Variants in MYO6 observed in about 807,000 individuals in gnomAD.
MYO6 encodes the protein myosin VI.
Under a neutral mutation model 178.7 loss-of-function variants are expected in MYO6, and 74 were observed. The ratio of observed to expected loss-of-function variants is 0.41; its 90% CI spans 0.34 to 0.50. MYO6 has a LOEUF of 0.50. Among genes scored for constraint, MYO6 ranks in the 20% least tolerant of loss-of-function variants. MYO6 has a pLI of 0.09. For synonymous variants in MYO6, 477 were observed against 504.6 expected, an observed-to-expected ratio of 0.95 and a Z score of 0.73; for missense variants, 1,330 against 1,547.4, an observed-to-expected ratio of 0.86 and a Z score of 2.36.
rs372126361 is a variant in MYO6, at chr6:75,904,948, C to G, written c.3177-2657C>G. On this transcript the variant is annotated intron_variant, in intron 30 of 34. Transcript: ENST00000369977. ...TGTTTGTTAGTTTTCCTTCTACAGACAGGACCCTCAGCTGCAGGTCTGTTG... is the reference window on the plus strand; with the variant it reads ...TGTTTGTTAGTTTTCCTTCTACAGAGAGGACCCTCAGCTGCAGGTCTGTTG... Among the ~76,000 whole-genome samples, 24 of 152,286 alleles carry G rather than the reference C, an allele frequency of 1.6e-4. 1 individual carries two copies. In the South Asian group the frequency reaches 4.1e-3, roughly 26 times the overall value.
chr6:75,910,134 C>T (rs1345611733), intron 32 of MYO6, among the ~76,000 whole-genome samples: 1 of 152,142 alleles, frequency 6.6e-6, no homozygotes, highest in Non-Finnish European at 1.5e-5. Flanking sequence ...TTTTCCTCTT[C>T]TAATTGAACA....
chr6:75,914,958 C>T lies in MYO6; in HGVS notation c.3804C>T (p.Ser1268=). Reference sequence around the variant, plus strand: ...AGTACCTTCAGAATGCGATTGAGAGCAGACAGGCTCGGCCCACCTATGCAA... The same window carrying T: ...AGTACCTTCAGAATGCGATTGAGAGTAGACAGGCTCGGCCCACCTATGCAA... ...GIQYLQNAIE[S]RQARPTYATA... The change falls in exon 35 of 35, where the codon AGC becomes AGT. Residue 1268 remains serine, a synonymous_variant. Transcript: ENST00000369977. The T allele has an allele frequency of 6.2e-7, 1 of 1,613,990 alleles. No homozygotes were observed. Among genetic ancestry groups the T allele is most frequent in the South Asian group, 1.1e-5 (1 of 91,064 alleles).
At chr6:75,806,392 A>G (rs1407126815) in intron 1 of MYO6, among the ~76,000 whole-genome samples, 1 of 152,076 alleles carries the variant, frequency 6.6e-6, no homozygotes, top group African/African-American at 2.4e-5. Flanking sequence ...TGTCTCAAAA[A>G]AAAAAAAAAA....
intron 6 of MYO6, among the ~76,000 whole-genome samples, chr6:75,833,271 G>A (rs759779702): frequency 1.3e-5 from 2 of 152,216 alleles, no homozygotes; most frequent in Non-Finnish European, 2.9e-5. Context: ...GGGATTATAG[G>A]CATGAACCAC....
At chr6:75,894,828 C>A in intron 28 of MYO6, 1 of 1,517,930 alleles carries the variant, frequency 6.6e-7, no homozygotes, top group South Asian at 1.3e-5. Context: ...GATTCCTATC[C>A]GGTAACTTCT....
At chr6:75,797,240 C>T (rs545624603) in intron 1 of MYO6, among the ~76,000 whole-genome samples, 2 of 152,148 alleles carry the variant, frequency 1.3e-5, no homozygotes, top group Non-Finnish European at 2.9e-5. Flanking sequence ...CAGGCATGCA[C>T]CACCATGCTT....
At chr6:75,802,853 A>G (rs1769626594) in intron 1 of MYO6, among the ~76,000 whole-genome samples, 1 of 152,182 alleles carries the variant, frequency 6.6e-6, no homozygotes, top group African/African-American at 2.4e-5. Context: ...ATTGGATAAT[A>G]AACAAGATTA....
intron 1 of MYO6, among the ~76,000 whole-genome samples, chr6:75,774,354 T>A (rs1250770813): frequency 1.3e-5 from 2 of 152,196 alleles, no homozygotes; most frequent in Non-Finnish European, 2.9e-5. Context: ...CCTGTATAAA[T>A]TTAAATAATT....
chr6:75,776,584 A>G (rs764102354), intron 1 of MYO6, among the ~76,000 whole-genome samples: 4 of 151,858 alleles, frequency 2.6e-5, no homozygotes, highest in Non-Finnish European at 4.4e-5. Flanking sequence ...ACTAAGCACT[A>G]CTATCATTTT....
At chr6:75,865,753 G>A (rs1367144437) in intron 16 of MYO6, among the ~76,000 whole-genome samples, 2 of 152,098 alleles carry the variant, frequency 1.3e-5, no homozygotes, top group Non-Finnish European at 2.9e-5. Context: ...TGATATACAT[G>A]TGAGATATTA....
intron 4 of MYO6, 59 bp from the exon 5 acceptor site, chr6:75,830,357 T>C: frequency 4.0e-6 from 6 of 1,511,914 alleles, no homozygotes; most frequent in Non-Finnish European, 5.5e-6. Context: ...ATGAGCTTTG[T>C]TTATCTTTAA....
intron 6 of MYO6, among the ~76,000 whole-genome samples, chr6:75,834,118 G>C (rs952279181): frequency 3.9e-5 from 6 of 152,048 alleles, no homozygotes; most frequent in African/African-American, 1.2e-4. Flanking sequence ...ACGATAATTT[G>C]CCTCCTTATT....
intron 32 of MYO6, 57 bp downstream of exon 32, chr6:75,908,684 A>G: frequency 1.3e-6 from 2 of 1,563,758 alleles, no homozygotes; most frequent in Non-Finnish European, 1.8e-6. Flanking sequence ...AAATGCATGT[A>G]TCTGTACTTA....
intron 25 of MYO6, among the ~76,000 whole-genome samples, chr6:75,888,987 CATTA>C (rs1314162492): frequency 6.6e-6 from 1 of 151,970 alleles, no homozygotes; most frequent in Non-Finnish European, 1.5e-5. Context: ...TTTCATATTT[CATTA>C]ATTACATTTC....
At chr6:75,898,048 T>C (rs1779441825) in intron 29 of MYO6, among the ~76,000 whole-genome samples, 1 of 152,202 alleles carries the variant, frequency 6.6e-6, no homozygotes, top group Non-Finnish European at 1.5e-5. Flanking sequence ...TTGCCAAGTT[T>C]CCTGTATGGA....
Position 75,855,836 on chromosome 6 carries a change from A to G in MYO6, c.1223+553A>G, listed in dbSNP as rs59471247. Among the ~76,000 whole-genome samples the G allele has an allele frequency of 8.5e-4, 130 of 152,264 alleles. 1 individual carries two copies. Among genetic ancestry groups the G allele is most frequent in the African/African-American group, 3.0e-3 (125 of 41,560 alleles). Reference sequence around the variant, plus strand: ...TATATTTTTGGTTTTGGTACTGTAGAATAAAATTGACATTCAGCCTTGTCA... The same window carrying G: ...TATATTTTTGGTTTTGGTACTGTAGGATAAAATTGACATTCAGCCTTGTCA... On this transcript the variant is annotated intron_variant, in intron 12 of 34. Coordinates refer to ENST00000369977, the MANE Select transcript of MYO6 (RefSeq NM_004999.4).
chr6:75,767,171 G>A (rs1017485091), intron 1 of MYO6, among the ~76,000 whole-genome samples: 2 of 152,068 alleles, frequency 1.3e-5, no homozygotes, highest in South Asian at 2.1e-4. Context: ...GATTACAGGC[G>A]TGCACCACCA....
chr6:75,851,644 CAAAA>C (rs1299099609), intron 11 of MYO6, among the ~76,000 whole-genome samples: 2 of 149,772 alleles, frequency 1.3e-5, no homozygotes, highest in African/African-American at 4.9e-5. Flanking sequence ...AAAAAAAAAA[CAAAA>C]AAACCCCCAA....
At position 75,756,761 on chromosome 6, in the gene MYO6, G is replaced by A. The variant is rs191098650; in HGVS notation, c.-48+7338G>A. On this transcript the variant is annotated intron_variant, in intron 1 of 34. Transcript: ENST00000369977. ...CTGGTGTTATGACCTTCATTTTACA[G>A]ATTAGGAAACTGAGGGGCAGAGATG... Among the ~76,000 whole-genome samples the A allele has an allele frequency of 7.0e-4, 107 of 152,140 alleles. 1 individual carries two copies. The highest frequency in any genetic ancestry group is 2.5e-3 in the African/African-American group (102 of 41,504).
Sources: gnomAD v4.1 joint callset for allele counts (sites outside exome capture counted in the v4.1 genomes callset) on GRCh38, gnomAD v4.1.1 for gene constraint, MANE v1.5 for transcripts, NCBI Gene and HGNC (gene_info 2026-07-23, HGNC 2026-07-21) for gene names.